FAM219A: variants seen among roughly 807,000 people sequenced by gnomAD.
FAM219A encodes protein FAM219A.
FAM219A carries 7 observed loss-of-function variants against 23.4 expected under a neutral mutation model. The observed-to-expected ratio is 0.30, with a 90% CI of 0.17 to 0.56. The LOEUF is 0.56. Ranked by LOEUF, FAM219A falls within the 20% of genes least tolerant of loss-of-function variation. The pLI is 0.92. For missense variants in FAM219A, 166 were observed against 246.9 expected (o/e 0.67, Z 2.20); for synonymous variants, 93 against 99.0 (o/e 0.94, Z 0.36).
At chr9:34,407,031 G>A (rs1385793328) in intron 1 of FAM219A, among the ~76,000 whole-genome samples, 1 of 152,036 alleles carries the variant, frequency 6.6e-6, no homozygotes, top group African/African-American at 2.4e-5. Context: ...TCGAACTCCT[G>A]ACCTCATGAT....
At chr9:34,437,386 G>A (rs191835860) in intron 1 of FAM219A, among the ~76,000 whole-genome samples, 2 of 152,298 alleles carry the variant, frequency 1.3e-5, no homozygotes, top group East Asian at 3.9e-4. Flanking sequence ...GGGGAGTCCT[G>A]GTTGAATTCC....
intron 1 of FAM219A, among the ~76,000 whole-genome samples, chr9:34,420,030 A>C (rs539840746): frequency 6.6e-6 from 1 of 152,220 alleles, no homozygotes; most frequent in Non-Finnish European, 1.5e-5. Context: ...TCTAAAGCTC[A>C]GCTCTCTAGC....
chr9:34,412,624 G>T (rs1401854294), intron 1 of FAM219A, among the ~76,000 whole-genome samples: 1 of 151,892 alleles, frequency 6.6e-6, no homozygotes, highest in East Asian at 1.9e-4. Context: ...AACCAAGGGT[G>T]AAGTTCTGGG....
chr9:34,407,151 G>C (rs1821666673), intron 1 of FAM219A, among the ~76,000 whole-genome samples: 1 of 151,960 alleles, frequency 6.6e-6, no homozygotes. Context: ...CTCCTCTGCT[G>C]CAAGATCCAG....
intron 1 of FAM219A, among the ~76,000 whole-genome samples, chr9:34,447,245 C>T (rs1454993126): frequency 1.3e-5 from 2 of 152,222 alleles, no homozygotes; most frequent in Non-Finnish European, 2.9e-5. Context: ...CTTGATTTTA[C>T]ACTGCTAAGG....
At chr9:34,413,026 C>T (rs763492895) in intron 1 of FAM219A, among the ~76,000 whole-genome samples, 2 of 152,032 alleles carry the variant, frequency 1.3e-5, no homozygotes, top group Non-Finnish European at 2.9e-5. Flanking sequence ...CCAGACCTGT[C>T]CTAGACTGAG....
rs375026346 is a variant in FAM219A at position 34,417,145 on chromosome 9, G to A, written c.61-11181C>T. Among the ~76,000 whole-genome samples, 101 of 150,974 alleles carry A rather than the reference G, an allele frequency of 6.7e-4. No individual in the cohort carries two copies. In the South Asian group the frequency reaches 8.6e-3, roughly 13 times the overall value. ...TGCCCAGGCTGGAGTGCAGTGGTGT[G>A]ATCTCGGCTCACTGCCTCAGCCTCC... On this transcript the variant is annotated intron_variant, in intron 1 of 5. Coordinates refer to ENST00000651358, the MANE Select transcript of FAM219A (RefSeq NM_001184940.2). The surrounding 1 kb of genome is among the most constrained non-coding windows in gnomAD (Gnocchi z 4.1).
intron 1 of FAM219A, among the ~76,000 whole-genome samples, chr9:34,447,553 A>G (rs1392480473): frequency 6.6e-6 from 1 of 152,184 alleles, no homozygotes; most frequent in Non-Finnish European, 1.5e-5. Flanking sequence ...TGGGTAAACA[A>G]AAGAGCGCTA....
chr9:34,445,914 C>T (rs1823352160), intron 1 of FAM219A, among the ~76,000 whole-genome samples: 1 of 152,162 alleles, frequency 6.6e-6, no homozygotes, highest in South Asian at 2.1e-4. Flanking sequence ...GTGGCTCATG[C>T]CTGTAATCCC....
chr9:34,413,187 G>A (rs1296437086), intron 1 of FAM219A, among the ~76,000 whole-genome samples: 1 of 150,770 alleles, frequency 6.6e-6, no homozygotes, highest in East Asian at 2.0e-4. Flanking sequence ...GAGAGGAAAG[G>A]AGGAAGGGAG....
At position 34,444,171 on chromosome 9, in the gene FAM219A, T is replaced by C. The variant is rs149114898; in HGVS notation, c.60+14033A>G. Among the ~76,000 whole-genome samples, 378 of 152,314 alleles carry C rather than the reference T, an allele frequency of 2.5e-3. 1 individual carries two copies. Among genetic ancestry groups the C allele is most frequent in the African/African-American group, 8.6e-3 (357 of 41,558 alleles). Reference sequence around the variant, plus strand: ...CCTCAGGGAACAGCTTTGGCATTCATAGGAGAACCAGTGGAGGCCCCTTTC... The same window carrying C: ...CCTCAGGGAACAGCTTTGGCATTCACAGGAGAACCAGTGGAGGCCCCTTTC... On this transcript the variant is annotated intron_variant, in intron 1 of 5. Coordinates refer to ENST00000651358, the MANE Select transcript of FAM219A (RefSeq NM_001184940.2).
At position 34,421,009 on chromosome 9, in the gene FAM219A, T is replaced by TGTGAGA. The variant is rs1554677406; in HGVS notation, c.61-15046_61-15045insTCTCAC. 2.3e-3 allele frequency among the ~76,000 whole-genome samples: 201 copies of TGTGAGA among 86,442 alleles called. 2 individuals are homozygous for TGTGAGA. The highest frequency in any genetic ancestry group is 8.5e-3 in the Middle Eastern group (1 of 118). 56.7% of individuals were successfully genotyped at this position (86,442 alleles called of 152,430 possible). A position where few individuals can be genotyped will look rare whatever the true frequency, so the allele number is the denominator to read the frequency against. On this transcript the variant is annotated intron_variant, in intron 1 of 5. Coordinates refer to ENST00000651358, the MANE Select transcript of FAM219A (RefSeq NM_001184940.2). ...GTGTGTGTATGTGTGTGTGTGTGTG[T>TGTGAGA]GAGAGAGAGAGAGAGAGAGAGAGAG...
At chr9:34,456,011 G>A (rs536676455) in intron 1 of FAM219A, among the ~76,000 whole-genome samples, 1 of 152,244 alleles carries the variant, frequency 6.6e-6, no homozygotes, top group East Asian at 1.9e-4. Context: ...TGGCCAACAT[G>A]GCGAAACCCT....
intron 1 of FAM219A, among the ~76,000 whole-genome samples, chr9:34,434,963 G>A (rs1487183978): frequency 6.6e-6 from 1 of 152,166 alleles, no homozygotes; most frequent in Admixed American, 6.5e-5. Flanking sequence ...GGGACTACAG[G>A]CATGTGCCAC....
intron 1 of FAM219A, among the ~76,000 whole-genome samples, chr9:34,432,707 C>T (rs138750667): frequency 1.2e-4 from 19 of 152,298 alleles, no homozygotes; most frequent in African/African-American, 4.6e-4. Flanking sequence ...TTTCCAACTG[C>T]GTACTATTTC....
At position 34,454,529 on chromosome 9, in the gene FAM219A, G is replaced by T. The variant is rs574191888; in HGVS notation, c.60+3675C>A. On this transcript the variant is annotated intron_variant, in intron 1 of 5. Coordinates refer to ENST00000651358, the MANE Select transcript of FAM219A (RefSeq NM_001184940.2). ...GGTTCAGCTGCTGAGTTGCAACAAGGCCAATTAAATAATTGGTGTGATGGG... is the reference window on the plus strand; with the variant it reads ...GGTTCAGCTGCTGAGTTGCAACAAGTCCAATTAAATAATTGGTGTGATGGG... 2.6e-5 allele frequency among the ~76,000 whole-genome samples: 4 copies of T among 152,242 alleles called. No individual in the cohort carries two copies. The South Asian group carries it at 8.3e-4, about 32-fold the overall frequency.
intron 5 of FAM219A, among the ~76,000 whole-genome samples, 185 bp from the exon 6 acceptor site, chr9:34,401,307 CCT>C (rs1166578437): frequency 2.0e-5 from 3 of 152,214 alleles, no homozygotes; most frequent in South Asian, 2.1e-4. Context: ...TCGCCTCTGG[CCT>C]CTCTTTCTAG....
chr9:34,452,593 T>C (rs1331844937), intron 1 of FAM219A, among the ~76,000 whole-genome samples: 1 of 152,246 alleles, frequency 6.6e-6, no homozygotes, highest in African/African-American at 2.4e-5. Flanking sequence ...CACCCAGGTC[T>C]GTATTCGTTT....
intron 1 of FAM219A, among the ~76,000 whole-genome samples, chr9:34,437,643 A>C (rs1822970825): frequency 6.6e-6 from 1 of 152,262 alleles, no homozygotes; most frequent in African/African-American, 2.4e-5. Flanking sequence ...CTTGGGTCTC[A>C]CTTTCCTTCT....
Sources: gnomAD v4.1 joint callset for allele counts (sites outside exome capture counted in the v4.1 genomes callset) on GRCh38, gnomAD v4.1.1 for gene constraint, Gnocchi (gnomAD v3.1) non-coding constraint, MANE v1.5 for transcripts, NCBI Gene and HGNC (gene_info 2026-07-23, HGNC 2026-07-21) for gene names.